The following TMPRSS15 variants were observed in gnomAD, a reference collection of about 807,000 sequenced individuals.
The protein encoded by TMPRSS15 is enteropeptidase.
Under a neutral mutation model 125.3 loss-of-function variants are expected in TMPRSS15, and 128 were observed. The observed-to-expected ratio is 1.02, with a 90% CI of 0.89 to 1.18. The LOEUF (loss-of-function observed/expected upper bound fraction) is 1.18. Among genes scored for constraint, TMPRSS15 ranks in the 50% most tolerant of loss-of-function variants. The pLI is 0.00. For missense variants in TMPRSS15, 1,283 were observed against 1,212.7 expected, an observed-to-expected ratio of 1.06 and a Z score of -0.86; for synonymous variants, 446 against 423.2, an observed-to-expected ratio of 1.05 and a Z score of -0.66.
intron 1 of TMPRSS15, among the ~76,000 whole-genome samples, chr21:18,460,930 T>C (rs1264496852): frequency 6.6e-6 from 1 of 152,202 alleles, no homozygotes; most frequent in Admixed American, 6.5e-5. Flanking sequence ...CACCATGTTT[T>C]ACACTTTAAT....
At position 18,294,381 on chromosome 21, in the gene TMPRSS15, T is replaced by C; in HGVS notation, c.2375A>G (p.Lys792Arg). The C allele has an allele frequency of 6.2e-7, 1 of 1,614,272 alleles. No individual in the cohort carries two copies. The highest frequency in any genetic ancestry group is 8.5e-7 in the Non-Finnish European group (1 of 1,180,048). Residue 792 changes from lysine (K) to arginine (R), a missense_variant, in exon 21 of 25, where the codon AAA becomes AGA. By Grantham distance (26) the Lys-to-Arg change is conservative. Coordinates refer to ENST00000284885, the MANE Select transcript of TMPRSS15 (RefSeq NM_002772.3). ...TPKIVGGSNAKEGAWPWVVGL... is the reference protein window; with the variant it reads ...TPKIVGGSNAREGAWPWVVGL... ...CACAACCCAGGGCCAGGCCCCTTCT[T>C]TGGCATTACTTCCTCCAACAATCTT...
At chr21:18,354,426 T>C (rs2075604126) in intron 8 of TMPRSS15, among the ~76,000 whole-genome samples, 1 of 151,800 alleles carries the variant, frequency 6.6e-6, no homozygotes, top group South Asian at 2.1e-4. Context: ...GAGGATTTTT[T>C]TTTTCATTTT....
chr21:18,437,281 G>T (rs1250819079), intron 1 of TMPRSS15, among the ~76,000 whole-genome samples: 1 of 151,920 alleles, frequency 6.6e-6, no homozygotes, highest in Non-Finnish European at 1.5e-5. Context: ...TATGTAGAAA[G>T]CTGAAACTGG....
intron 3 of TMPRSS15, among the ~76,000 whole-genome samples, chr21:18,384,433 A>C (rs1026207707): frequency 6.6e-6 from 1 of 152,164 alleles, no homozygotes; most frequent in Non-Finnish European, 1.5e-5. Flanking sequence ...ATGATCTCCA[A>C]ACATAGCATT....
chr21:18,407,198 T>C (rs1267625207), upstream of TMPRSS15, among the ~76,000 whole-genome samples: 2 of 152,114 alleles, frequency 1.3e-5, no homozygotes, highest in African/African-American at 4.8e-5. Flanking sequence ...AACAACAAGG[T>C]GTATTTGTAT....
chr21:18,387,223 G>T (rs548365012), intron 3 of TMPRSS15, among the ~76,000 whole-genome samples: 2 of 151,836 alleles, frequency 1.3e-5, no homozygotes, highest in Non-Finnish European at 2.9e-5. Flanking sequence ...CTTCCTTTAG[G>T]TTAAAAAAAA....
chr21:18,367,254 A>C (rs913855378), intron 6 of TMPRSS15, among the ~76,000 whole-genome samples: 4 of 152,188 alleles, frequency 2.6e-5, no homozygotes, highest in Non-Finnish European at 5.9e-5. Context: ...AAGAAAGAAA[A>C]ATAGTGGTTT....
intron 1 of TMPRSS15, among the ~76,000 whole-genome samples, chr21:18,433,026 T>C (rs141847896): frequency 3.9e-5 from 6 of 152,284 alleles, no homozygotes; most frequent in African/African-American, 1.2e-4. Context: ...GGCAAAAAAT[T>C]GAACATTTAA....
At chr21:18,299,707 C>G (rs751793620) in intron 18 of TMPRSS15, among the ~76,000 whole-genome samples, 1 of 152,164 alleles carries the variant, frequency 6.6e-6, no homozygotes, top group African/African-American at 2.4e-5. Context: ...TAGTTTTCCA[C>G]GTTCTTGACT....
intron 13 of TMPRSS15, among the ~76,000 whole-genome samples, chr21:18,333,781 T>C (rs543565370): frequency 6.6e-6 from 1 of 152,250 alleles, no homozygotes; most frequent in East Asian, 1.9e-4. Context: ...ACACTTTAAG[T>C]AGGTAGATTA....
chr21:18,360,901 A>G (rs1405079163), intron 7 of TMPRSS15, among the ~76,000 whole-genome samples: 1 of 152,098 alleles, frequency 6.6e-6, no homozygotes, highest in East Asian at 1.9e-4. Context: ...TAAATTGTCC[A>G]ATTCATGTAT....
rs370358832 is a variant in TMPRSS15, at chr21:18,314,547, G to A, written c.2032+599C>T. Among the ~76,000 whole-genome samples the A allele has an allele frequency of 1.2e-4, 19 of 152,198 alleles. 1 individual carries two copies. The highest frequency in any genetic ancestry group is 9.2e-4 in the Admixed American group (14 of 15,294). ...CCCACCTCGGCCTCCCAAAGTGCTGGGATTATAGGCGTGAGCCACTGCGCC... is the reference window on the plus strand; with the variant it reads ...CCCACCTCGGCCTCCCAAAGTGCTGAGATTATAGGCGTGAGCCACTGCGCC... On this transcript the variant is annotated intron_variant, in intron 17 of 24. Transcript: ENST00000284885.
rs565686515 is a variant in TMPRSS15 at position 18,300,180 on chromosome 21, A to C, written c.2166-2351T>G. Among the ~76,000 whole-genome samples the C allele has an allele frequency of 3.3e-5, 5 of 150,464 alleles. No homozygotes were observed. In the Admixed American group the frequency reaches 3.3e-4, roughly 10 times the overall value. ...TTTAAGACAGAGCCCGAAGGGATAC[A>C]TTCCTTTTTCTTTCTTTCTCTTTCT... On this transcript the variant is annotated intron_variant, in intron 18 of 24. Transcript: ENST00000284885.
At chr21:18,343,432 C>T (rs1408229211) in intron 12 of TMPRSS15, 74 bp downstream of exon 12, 6 of 1,321,454 alleles carry the variant, frequency 4.5e-6, no homozygotes, top group Non-Finnish European at 5.3e-6. Context: ...TTAATTTTTT[C>T]ACTGTATCAT....
chr21:18,349,340 G>A (rs1469169994), intron 10 of TMPRSS15, among the ~76,000 whole-genome samples: 1 of 152,128 alleles, frequency 6.6e-6, no homozygotes, highest in African/African-American at 2.4e-5. Flanking sequence ...AACCCTGACT[G>A]CTGACAATAC....
rs542796781 is a variant in TMPRSS15 at position 18,315,754 on chromosome 21, T to C, written c.1922-498A>G. On this transcript the variant is annotated intron_variant, in intron 16 of 24. Transcript: ENST00000284885. ...CTTTGATACTGAGTAAATGACGAGT[T>C]AGTGGGTGCAGCACACCAACATGGC... Among the ~76,000 whole-genome samples the C allele has an allele frequency of 2.2e-3, 291 of 134,598 alleles. 21 individuals are homozygous for C. The highest frequency in any genetic ancestry group is 7.7e-3 in the African/African-American group (280 of 36,336). The allele number at this position is 134,598 out of a possible 152,430, so 88.3% of individuals were successfully genotyped here.
rs985364956 is a variant in TMPRSS15, at chr21:18,269,631, A to C, written c.*338T>G. Reference sequence around the variant, plus strand: ...TTTTAAATTCTGCTCAAATTTCTTAAGTGTATGGTATATGCTTTAAAATAA... The same window carrying C: ...TTTTAAATTCTGCTCAAATTTCTTACGTGTATGGTATATGCTTTAAAATAA... On this transcript the variant is annotated 3_prime_UTR_variant, in exon 25 of 25. Coordinates refer to ENST00000284885, the MANE Select transcript of TMPRSS15 (RefSeq NM_002772.3). 5 of 164,046 alleles carry C rather than the reference A, an allele frequency of 3.0e-5. No individual in the cohort carries two copies. Among genetic ancestry groups the C allele is most frequent in the Non-Finnish European group, 6.6e-5 (5 of 76,054 alleles). The allele number at this position is 164,046 out of a possible 1,614,324, so 10.2% of individuals were successfully genotyped here.
At chr21:18,397,653 TTTA>T (rs1471597453) in intron 3 of TMPRSS15, among the ~76,000 whole-genome samples, 1 of 152,180 alleles carries the variant, frequency 6.6e-6, no homozygotes, top group African/African-American at 2.4e-5. Flanking sequence ...TCTGCAAGAT[TTTA>T]TTGTCAGTAG....
chr21:18,280,593 A>AAAAAAAAAAAAAAAAAC (rs1267521488), intron 22 of TMPRSS15, among the ~76,000 whole-genome samples: 22 of 143,656 alleles, frequency 1.5e-4, no homozygotes, highest in African/African-American at 6.2e-4. Context: ...AAAAAAAAAA[A>AAAAAAAAAAAAAAAAAC]AACAACAAAA....
Sources: gnomAD v4.1 joint callset for allele counts (sites outside exome capture counted in the v4.1 genomes callset) on GRCh38, gnomAD v4.1.1 for gene constraint, MANE v1.5 for transcripts, NCBI Gene and HGNC (gene_info 2026-07-23, HGNC 2026-07-21) for gene names.